CD244: variants seen among roughly 807,000 people sequenced by gnomAD.
CD244 encodes CD244 molecule.
In CD244, 20 loss-of-function variants were observed where a neutral mutation model predicts 45.5. That is an observed-to-expected ratio of 0.44 (90% CI 0.31 to 0.64). The LOEUF is 0.64. CD244 is among the 30% of genes least tolerant of loss of function. CD244 has a pLI of 0.08. For synonymous variants in CD244, 185 were observed against 160.5 expected, an observed-to-expected ratio of 1.15 and a Z score of -1.15; for missense variants, 407 against 426.9, an observed-to-expected ratio of 0.95 and a Z score of 0.41.
At chr1:160,831,672 G>A (rs749806110) in intron 8 of CD244, among the ~76,000 whole-genome samples, 1 of 151,998 alleles carries the variant, frequency 6.6e-6, no homozygotes, top group Admixed American at 6.6e-5. Flanking sequence ...AGCTACCTGG[G>A]TCTACACAGT....
At chr1:160,855,738 C>A (rs1257504388) in intron 1 of CD244, among the ~76,000 whole-genome samples, 1 of 152,198 alleles carries the variant, frequency 6.6e-6, no homozygotes, top group African/African-American at 2.4e-5. Context: ...TGGGGGCCAC[C>A]TTCCTGTGGT....
Position 160,831,381 on chromosome 1 carries a change from C to T in CD244, c.1064G>A (p.Arg355His), listed in dbSNP as rs369311545. The stretch of plus-strand genomic sequence containing the variant: ...AACATCAAAGTTCTCCAGCTCTTTG[C>T]GGCTCAATCGAGCAGGGTTCTGGGC... ...PKAQNPARLS[R>H]KELENFDVYS The change falls in exon 9 of 9, where the codon CGC (arginine) becomes CAC (histidine). Residue 355 changes from arginine to histidine, a missense_variant. Arg to His is a conservative substitution (Grantham distance 29, BLOSUM62 0). Transcript: ENST00000368034. 37 of 1,614,048 alleles carry T rather than the reference C, an allele frequency of 2.3e-5. No homozygotes were observed. The highest frequency in any genetic ancestry group is 5.3e-5 in the African/African-American group (4 of 75,054).
At chr1:160,859,584 A>T (rs1253103612) in intron 1 of CD244, among the ~76,000 whole-genome samples, 2 of 152,050 alleles carry the variant, frequency 1.3e-5, no homozygotes, top group Non-Finnish European at 1.5e-5. Context: ...CACAGAAAAA[A>T]ATTTTTTTAA....
At chr1:160,836,085 T>A in intron 6 of CD244, 110 bp downstream of exon 6, 2 of 817,862 alleles carry the variant, frequency 2.4e-6, no homozygotes, top group Non-Finnish European at 4.2e-6. Context: ...ATCTTCTGGA[T>A]TCTAGAAGCA....
At chr1:160,844,745 C>T (rs984031770) in intron 1 of CD244, among the ~76,000 whole-genome samples, 52 of 152,240 alleles carry the variant, frequency 3.4e-4, no homozygotes, top group African/African-American at 1.3e-3. Context: ...GAGGCCAAGG[C>T]CGGCAGATCA....
rs536881598 is a variant in CD244 at position 160,831,041 on chromosome 1, G to T, written c.*306C>A. On this transcript the variant is annotated 3_prime_UTR_variant, in exon 9 of 9. Coordinates refer to ENST00000368034, the MANE Select transcript of CD244 (RefSeq NM_016382.4). ...TTGAAAATCAGGTGGAGGGAATCTC[G>T]ATGCTAATAACATCACTTACATAAC... 90 of 223,396 alleles carry T rather than the reference G, an allele frequency of 4.0e-4. 2 individuals carry two copies. Among genetic ancestry groups the T allele is most frequent in the African/African-American group, 1.8e-3 (80 of 44,058 alleles). 13.8% of individuals were successfully genotyped at this position (223,396 alleles called of 1,614,324 possible).
chr1:160,841,549 CAGAG>C (rs771045132), intron 2 of CD244, 31 bp downstream of exon 2: 6 of 1,611,534 alleles, frequency 3.7e-6, no homozygotes, highest in Non-Finnish European at 5.1e-6. Context: ...CTATAGGAAT[CAGAG>C]AGGGCAGTAT....
At chr1:160,848,383 G>A (rs367837933) in intron 1 of CD244, 5 of 565,082 alleles carry the variant, frequency 8.8e-6, no homozygotes, top group Admixed American at 7.6e-5. Context: ...TGGATGGCAA[G>A]CGTGTGGTAT....
intron 1 of CD244, among the ~76,000 whole-genome samples, chr1:160,846,022 A>G (rs1669720265): frequency 6.6e-6 from 1 of 152,230 alleles, no homozygotes; most frequent in Non-Finnish European, 1.5e-5. Flanking sequence ...CATTTCAGCA[A>G]AAATAATAAA....
At chr1:160,845,186 G>A (rs1669688054) in intron 1 of CD244, among the ~76,000 whole-genome samples, 1 of 151,978 alleles carries the variant, frequency 6.6e-6, no homozygotes, top group Non-Finnish European at 1.5e-5. Flanking sequence ...ATAGTTACCT[G>A]AAATTGGATT....
chr1:160,844,251 G>A (rs1208198635), intron 1 of CD244, among the ~76,000 whole-genome samples: 6 of 152,160 alleles, frequency 3.9e-5, no homozygotes, highest in Admixed American at 1.3e-4. Flanking sequence ...AAAACCAACA[G>A]AAGAATAGAG....
intron 1 of CD244, among the ~76,000 whole-genome samples, chr1:160,844,933 T>C (rs1669678597): frequency 1.3e-5 from 2 of 151,324 alleles, no homozygotes; most frequent in African/African-American, 4.9e-5. Flanking sequence ...CGAGATATCA[T>C]GCCACTGCAC....
At chr1:160,849,190 G>A (rs1412993624) in intron 1 of CD244, among the ~76,000 whole-genome samples, 1 of 152,020 alleles carries the variant, frequency 6.6e-6, no homozygotes, top group Non-Finnish European at 1.5e-5. Flanking sequence ...CTATGTTGAT[G>A]ATTGTTATTA....
rs773780845 is a variant in CD244, at chr1:160,841,258, C to T, written c.607G>A (p.Glu203Lys). 6 of 1,614,066 alleles carry T rather than the reference C, an allele frequency of 3.7e-6. No homozygotes were observed. The highest frequency in any genetic ancestry group is 5.1e-6 in the Non-Finnish European group (6 of 1,180,038). The change falls in exon 3 of 9, where the codon GAA becomes AAA. Residue 203 changes from glutamate to lysine, a missense_variant. By Grantham distance (56) the Glu-to-Lys change is moderately conservative. Transcript: ENST00000368034. ...TCNVSNPVSW[E>K]SHTLNLTQDC... ...TGAGTGAGATTCAGGGTGTGGCTTT[C>T]CCAGCTAACAGGATTGCTGACATTG...
intron 1 of CD244, among the ~76,000 whole-genome samples, chr1:160,842,810 C>A (rs1669588706): frequency 6.6e-6 from 1 of 152,158 alleles, no homozygotes; most frequent in Non-Finnish European, 1.5e-5. Context: ...CAAGATGAAA[C>A]CTAATGAATA....
chr1:160,855,451 G>C (rs561998412), intron 1 of CD244, among the ~76,000 whole-genome samples: 13 of 152,304 alleles, frequency 8.5e-5, no homozygotes, highest in Admixed American at 6.5e-4. Context: ...GGGCAGGGGT[G>C]CAAAGCAGAT....
In CD244 at chr1:160,841,715, A is replaced by G; in HGVS notation, c.248T>C (p.Phe83Ser). The G allele has an allele frequency of 6.2e-7, 1 of 1,614,176 alleles. No homozygotes were observed. The highest frequency in any genetic ancestry group is 8.5e-7 in the Non-Finnish European group (1 of 1,180,020). Residue 83 changes from phenylalanine (F) to serine (S), a missense_variant, in exon 2 of 9, where the codon TTC becomes TCC. Transcript: ENST00000368034. The part of the protein sequence containing the change: ...SLPSNTSNDR[F>S]SFIVKNLSLL... The stretch of plus-strand genomic sequence containing the variant: ...ACTCAAGTTCTTGACTATAAAACTG[A>G]ATCTATCATTGGAAGTATTGGAAGG...
intron 1 of CD244, among the ~76,000 whole-genome samples, chr1:160,859,520 A>G (rs1670219345): frequency 6.6e-6 from 1 of 152,188 alleles, no homozygotes; most frequent in Admixed American, 6.5e-5. Context: ...AAGACACAGT[A>G]TCACTTTTGT....
At chr1:160,858,891 T>C (rs375225764) in intron 1 of CD244, among the ~76,000 whole-genome samples, 82 of 152,268 alleles carry the variant, frequency 5.4e-4, no homozygotes, top group African/African-American at 1.8e-3. Flanking sequence ...AGGGTTGACT[T>C]GTGGCAGGTA....
Sources: allele counts gnomAD v4.1 joint callset (sites outside exome capture counted in the v4.1 genomes callset), GRCh38; gene constraint gnomAD v4.1.1; transcripts MANE v1.5; gene names NCBI Gene and HGNC (gene_info 2026-07-23, HGNC 2026-07-21).